The following KCNIP4 variants were observed in gnomAD, a reference collection of about 807,000 sequenced individuals.
KCNIP4 encodes potassium voltage-gated channel interacting protein 4.
A neutral mutation model predicts 34.0 loss-of-function variants in KCNIP4; 12 were observed. That is an observed-to-expected ratio of 0.35 (90% confidence interval 0.23 to 0.57). The LOEUF is 0.57. KCNIP4 is among the 20% of genes least tolerant of loss of function. The probability of loss-of-function intolerance (pLI) is 0.83; values close to 1 mark genes in which losing one functional copy is unlikely to be tolerated. For synonymous variants in KCNIP4, 124 were observed against 102.2 expected, an observed-to-expected ratio of 1.21 and a Z score of -1.29; for missense variants, 238 against 311.7, an observed-to-expected ratio of 0.76 and a Z score of 1.78.
At chr4:21,832,064 T>C (rs2109306490) in intron 1 of KCNIP4, among the ~76,000 whole-genome samples, 1 of 152,232 alleles carries the variant, frequency 6.6e-6, no homozygotes. Flanking sequence ...AATTTATCCC[T>C]AGGATGCAAC....
chr4:21,504,391 CTGGGAAGCAGAGGTTGCAGT>C (rs777153107), intron 1 of KCNIP4, among the ~76,000 whole-genome samples: 1 of 147,822 alleles, frequency 6.8e-6, no homozygotes, highest in Non-Finnish European at 1.5e-5. Context: ...TCGTTTGAAC[CTGGGAAGCAGAGGTTGCAGT>C]GAACGGAGAT....
intron 1 of KCNIP4, among the ~76,000 whole-genome samples, chr4:21,737,872 C>G (rs539706163): frequency 6.6e-6 from 1 of 152,026 alleles, no homozygotes; most frequent in African/African-American, 2.4e-5. Flanking sequence ...ATCATAAGGT[C>G]AGGAGATCGA....
At chr4:21,384,041 C>G (rs1202656234) in intron 1 of KCNIP4, among the ~76,000 whole-genome samples, 1 of 152,106 alleles carries the variant, frequency 6.6e-6, no homozygotes. Flanking sequence ...GCACGCCGAG[C>G]TCAGTCCTAC....
At chr4:21,723,391 C>T (rs531736931) in intron 1 of KCNIP4, among the ~76,000 whole-genome samples, 1 of 152,124 alleles carries the variant, frequency 6.6e-6, no homozygotes, top group Non-Finnish European at 1.5e-5. Context: ...AACCTCACTT[C>T]TGATGAGCTT....
chr4:21,813,903 T>C (rs911424227), intron 1 of KCNIP4, among the ~76,000 whole-genome samples: 3 of 152,172 alleles, frequency 2.0e-5, no homozygotes, highest in Non-Finnish European at 4.4e-5. Flanking sequence ...GGTAGAATCA[T>C]TCATGTCCTA....
At chr4:20,952,693 AATT>A (rs1297108292) in intron 1 of KCNIP4, among the ~76,000 whole-genome samples, 6 of 152,142 alleles carry the variant, frequency 3.9e-5, no homozygotes, top group Non-Finnish European at 8.8e-5. Flanking sequence ...TTAAAAAATT[AATT>A]ATTAATTTAA....
chr4:21,927,256 A>T (rs1041745798), intron 1 of KCNIP4, among the ~76,000 whole-genome samples: 8 of 152,180 alleles, frequency 5.3e-5, no homozygotes, highest in Admixed American at 1.3e-4. Flanking sequence ...ATTGTCCCAT[A>T]TCAAGGTCCT....
chr4:21,112,025 GTATCTATCTATCTATCTATCTATCTATC>G (rs34396290), intron 1 of KCNIP4, among the ~76,000 whole-genome samples: 1 of 114,730 alleles, frequency 8.7e-6, no homozygotes, highest in African/African-American at 3.9e-5. Flanking sequence ...TCCTTTCTCT[GTATCTATCTATCTATCTATCTATCTATC>G]TATCTATCTA....
At chr4:21,530,761 A>G (rs1323340900) in intron 1 of KCNIP4, among the ~76,000 whole-genome samples, 1 of 152,210 alleles carries the variant, frequency 6.6e-6, no homozygotes, top group African/African-American at 2.4e-5. Context: ...ATATTTATTG[A>G]TAATTTTTAA....
At chr4:21,891,477 T>C (rs552501210) in intron 1 of KCNIP4, among the ~76,000 whole-genome samples, 3 of 152,138 alleles carry the variant, frequency 2.0e-5, no homozygotes, top group South Asian at 2.1e-4. Context: ...ACCTGAAGGA[T>C]AGACACCAGT....
chr4:21,814,830 T>C (rs1183579228), intron 1 of KCNIP4, among the ~76,000 whole-genome samples: 1 of 152,182 alleles, frequency 6.6e-6, no homozygotes, highest in East Asian at 1.9e-4. Context: ...GCTGTCTCAG[T>C]GTTCAGTTCC....
chr4:21,662,621 G>A (rs1227412103), intron 1 of KCNIP4, among the ~76,000 whole-genome samples: 1 of 152,096 alleles, frequency 6.6e-6, no homozygotes, highest in African/African-American at 2.4e-5. Flanking sequence ...TTGTTTTGTG[G>A]TCTAAAATAA....
chr4:20,854,959 G>A (rs893982041), intron 2 of KCNIP4, among the ~76,000 whole-genome samples: 4 of 152,134 alleles, frequency 2.6e-5, no homozygotes, highest in Non-Finnish European at 5.9e-5. Context: ...ATAGATGTTT[G>A]GAAAATGCTG....
rs1180940261 is a variant in KCNIP4 at position 21,370,830 on chromosome 4, TATATATATATATATATATATACACACAC to T, written c.62-488149_62-488122del. 2.1e-4 allele frequency among the ~76,000 whole-genome samples: 7 copies of T among 33,070 alleles called. 2 individuals are homozygous for T. The highest frequency in any genetic ancestry group is 1.1e-3 in the African/African-American group (6 of 5,630). 21.7% of individuals were successfully genotyped at this position (33,070 alleles called of 152,430 possible). A position where few individuals can be genotyped will look rare whatever the true frequency, so the allele number is the denominator to read the frequency against. ...ATATATATATATATATATATATATA[TATATATATATATATATATATACACACAC>T]ACACACACACACACACACACACACG... On this transcript the variant is annotated intron_variant, in intron 1 of 8. Transcript: ENST00000382152.
chr4:21,155,110 T>C (rs1753050014), intron 1 of KCNIP4, among the ~76,000 whole-genome samples: 1 of 152,186 alleles, frequency 6.6e-6, no homozygotes, highest in Non-Finnish European at 1.5e-5. Context: ...ATTTACTGAG[T>C]CACCTTACTG....
At chr4:21,830,473 C>T (rs1254384349) in intron 1 of KCNIP4, among the ~76,000 whole-genome samples, 1 of 151,916 alleles carries the variant, frequency 6.6e-6, no homozygotes, top group Admixed American at 6.6e-5. Flanking sequence ...GTCAGGAGTT[C>T]AAGACCAGCC....
chr4:21,865,838 T>C (rs1725380275), intron 1 of KCNIP4, among the ~76,000 whole-genome samples: 1 of 151,894 alleles, frequency 6.6e-6, no homozygotes, highest in African/African-American at 2.4e-5. Flanking sequence ...CCACCATTTG[T>C]AGGTGCCTGG....
intron 1 of KCNIP4, among the ~76,000 whole-genome samples, chr4:21,578,080 A>G (rs1274269917): frequency 6.6e-6 from 1 of 152,110 alleles, no homozygotes; most frequent in Non-Finnish European, 1.5e-5. Context: ...TCACGCCTGT[A>G]ATCCCAGCAG....
At chr4:21,691,930 C>T (rs1401510179) in intron 1 of KCNIP4, among the ~76,000 whole-genome samples, 1 of 151,966 alleles carries the variant, frequency 6.6e-6, no homozygotes, top group Non-Finnish European at 1.5e-5. Flanking sequence ...AAACTCCTGA[C>T]CTGGTGATCC....
Sources: allele counts gnomAD v4.1 joint callset (sites outside exome capture counted in the v4.1 genomes callset), GRCh38; gene constraint gnomAD v4.1.1; transcripts MANE v1.5; gene names NCBI Gene and HGNC (gene_info 2026-07-23, HGNC 2026-07-21).